The following DENND1B variants were observed in gnomAD, a reference collection of about 807,000 sequenced individuals.
The protein encoded by DENND1B is DENN domain-containing protein 1B.
DENND1B carries 59 observed loss-of-function variants against 90.1 expected under a neutral mutation model. The observed-to-expected ratio is 0.65, with a 90% confidence interval of 0.53 to 0.81. The LOEUF (loss-of-function observed/expected upper bound fraction) is 0.81. Among genes scored for constraint, DENND1B ranks in the 40% least tolerant of loss-of-function variants. The probability of loss-of-function intolerance (pLI) is 0.00; values close to 1 mark genes in which losing one functional copy is unlikely to be tolerated. For missense variants in DENND1B, 862 were observed against 912.6 expected (o/e 0.94, Z 0.71); for synonymous variants, 337 against 324.6 (o/e 1.04, Z -0.41).
chr1:197,760,752 T>C (rs1459303782), intron 2 of DENND1B, among the ~76,000 whole-genome samples: 1 of 152,030 alleles, frequency 6.6e-6, no homozygotes, highest in Non-Finnish European at 1.5e-5. Flanking sequence ...AACAGCTATA[T>C]CAGCTCTATC....
intron 2 of DENND1B, among the ~76,000 whole-genome samples, chr1:197,738,328 T>C (rs1207640491): frequency 6.6e-6 from 1 of 152,204 alleles, no homozygotes; most frequent in Non-Finnish European, 1.5e-5. Flanking sequence ...CAACATTAAA[T>C]CCACATAGAG....
At chr1:197,518,657 G>T (rs1262434585) in intron 20 of DENND1B, among the ~76,000 whole-genome samples, 1 of 151,894 alleles carries the variant, frequency 6.6e-6, no homozygotes, top group Non-Finnish European at 1.5e-5. Flanking sequence ...CATAAGTAAG[G>T]AAATTCTGAA....
chr1:197,735,753 T>G (rs1209625953), intron 2 of DENND1B: 2 of 1,612,322 alleles, frequency 1.2e-6, no homozygotes, highest in African/African-American at 2.7e-5. Context: ...CGAATCGGCG[T>G]ACTTTTCCAG....
intron 3 of DENND1B, among the ~76,000 whole-genome samples, chr1:197,679,248 C>A: frequency 1.4e-5 from 2 of 146,174 alleles, no homozygotes; most frequent in Non-Finnish European, 1.5e-5. Flanking sequence ...GATCCAATGT[C>A]AATGAAAAAG....
In DENND1B at chr1:197,507,118, G is replaced by GA. The variant is rs1210223188; in HGVS notation, c.*3341dup. 1 of 149,632 alleles carries GA rather than the reference G, an allele frequency of 6.7e-6. No individual in the cohort carries two copies. Among genetic ancestry groups the GA allele is most frequent in the Non-Finnish European group, 1.5e-5 (1 of 67,150 alleles). 9.3% of individuals were successfully genotyped at this position (149,632 alleles called of 1,614,324 possible). On this transcript the variant is annotated 3_prime_UTR_variant, in exon 23 of 23. Coordinates refer to ENST00000620048, the MANE Select transcript of DENND1B (RefSeq NM_001195215.2). ...TTTTTTTTGAACTTTTTGTGTGTTA[G>GA]AATCTCAGCTAATAACTTCCAGGCA...
intron 3 of DENND1B, among the ~76,000 whole-genome samples, chr1:197,703,654 T>A (rs1238220733): frequency 6.6e-6 from 1 of 152,198 alleles, no homozygotes; most frequent in African/African-American, 2.4e-5. Flanking sequence ...TATCTGATTC[T>A]AAAAAGAAGC....
chr1:197,650,687 A>G (rs1653040592), intron 7 of DENND1B, among the ~76,000 whole-genome samples: 2 of 152,230 alleles, frequency 1.3e-5, no homozygotes, highest in Admixed American at 1.3e-4. Flanking sequence ...ACTCAGCCGT[A>G]AAAAGGAATG....
At chr1:197,729,168 C>T (rs1333178576) in intron 2 of DENND1B, among the ~76,000 whole-genome samples, 2 of 152,142 alleles carry the variant, frequency 1.3e-5, no homozygotes, top group Admixed American at 6.6e-5. Context: ...CAATAACCAT[C>T]GCTACCAAAC....
rs181094582 is a variant in DENND1B at position 197,741,576 on chromosome 1, C to T, written c.83-26502G>A. 5.8e-4 allele frequency among the ~76,000 whole-genome samples: 88 copies of T among 152,154 alleles called. 4 individuals are homozygous for T. In the South Asian group the frequency reaches 0.017, roughly 30 times the overall value. Reference sequence around the variant, plus strand: ...AATTTAAAGTAATTATAAAGTAACACAAAAACATACCTTTTATGCCATTAC... The same window carrying T: ...AATTTAAAGTAATTATAAAGTAACATAAAAACATACCTTTTATGCCATTAC... On this transcript the variant is annotated intron_variant, in intron 2 of 22. Transcript: ENST00000620048.
intron 14 of DENND1B, among the ~76,000 whole-genome samples, chr1:197,593,702 C>A (rs1675439142): frequency 6.6e-6 from 1 of 151,996 alleles, no homozygotes; most frequent in African/African-American, 2.4e-5. Flanking sequence ...AAAATGTTCT[C>A]ACTTTGATTT....
chr1:197,511,235 T>C lies in DENND1B; in HGVS notation c.1816-263A>G, dbSNP rs572397180. On this transcript the variant is annotated intron_variant, in intron 22 of 22. Coordinates refer to ENST00000620048, the MANE Select transcript of DENND1B (RefSeq NM_001195215.2). ...AATGCCAAGTTCTGAAGTCACTTAC[T>C]ATCAGAACAGGATTGTCATTACTCA... Among the ~76,000 whole-genome samples the C allele has an allele frequency of 2.0e-4, 31 of 151,920 alleles. No individual in the cohort carries two copies. In the South Asian group the frequency reaches 6.2e-3, roughly 30 times the overall value.
intron 1 of DENND1B, among the ~76,000 whole-genome samples, 166 bp downstream of exon 1, chr1:197,774,973 G>A (rs1292547763): frequency 6.6e-6 from 1 of 151,890 alleles, no homozygotes; most frequent in Non-Finnish European, 1.5e-5. Flanking sequence ...GCGCCGTCCC[G>A]CCGGCCGGCC....
intron 14 of DENND1B, among the ~76,000 whole-genome samples, chr1:197,587,155 T>C (rs1029923733): frequency 6.6e-6 from 1 of 152,228 alleles, no homozygotes; most frequent in Non-Finnish European, 1.5e-5. Context: ...ACTTGAATAT[T>C]AAAGTTGAGT....
rs551933489 is a variant in DENND1B at position 197,556,817 on chromosome 1, G to C, written c.1150-3705C>G. 2.6e-5 allele frequency among the ~76,000 whole-genome samples: 4 copies of C among 152,006 alleles called. No homozygotes were observed. The South Asian group carries it at 8.3e-4, about 31-fold the overall frequency. Reference sequence around the variant, plus strand: ...CACCCAATAAATGCTAAATAATAAAGTCCACTTTCCCCAGTACCACCACCT... The same window carrying C: ...CACCCAATAAATGCTAAATAATAAACTCCACTTTCCCCAGTACCACCACCT... On this transcript the variant is annotated intron_variant, in intron 15 of 22. Transcript: ENST00000620048.
chr1:197,521,604 T>G (rs1338155555), intron 20 of DENND1B, among the ~76,000 whole-genome samples: 1 of 151,974 alleles, frequency 6.6e-6, no homozygotes, highest in Non-Finnish European at 1.5e-5. Context: ...TTATGTATTT[T>G]GCAGCCTAAG....
intron 14 of DENND1B, among the ~76,000 whole-genome samples, chr1:197,591,858 C>T (rs1675238850): frequency 6.6e-6 from 1 of 152,008 alleles, no homozygotes; most frequent in Non-Finnish European, 1.5e-5. Context: ...CGCCTGTAAT[C>T]CCAGCACTCT....
At chr1:197,701,553 CTT>C (rs978564553) in intron 3 of DENND1B, among the ~76,000 whole-genome samples, 2 of 143,444 alleles carry the variant, frequency 1.4e-5, no homozygotes, top group Admixed American at 7.0e-5. Flanking sequence ...CCTTCCCCGG[CTT>C]TTTTTTTTTA....
intron 15 of DENND1B, among the ~76,000 whole-genome samples, chr1:197,566,806 A>C (rs1244833122): frequency 2.6e-5 from 4 of 152,190 alleles, no homozygotes; most frequent in South Asian, 2.1e-4. Flanking sequence ...GTAAAAAAAA[A>C]AAATTCCTGG....
At position 197,647,064 on chromosome 1, in the gene DENND1B, A is replaced by G; in HGVS notation, c.498T>C (p.Ala166=). Reference sequence around the variant, plus strand: ...TGTCCTTTTAACTCACCGGTACTAGAGCAGGCTGATCTTTCAGAACTTGCT... The same window carrying G: ...TGTCCTTTTAACTCACCGGTACTAGGGCAGGCTGATCTTTCAGAACTTGCT... ...ACEQVLKDQP[A]LVPHSYFIAP... is the part of the protein sequence containing the mutation. Residue 166 remains alanine, a synonymous_variant, in exon 8 of 23, where the codon GCT becomes GCC. Transcript: ENST00000620048. 1 of 1,467,540 alleles carries G rather than the reference A, an allele frequency of 6.8e-7. No homozygotes were observed. The highest frequency in any genetic ancestry group is 3.2e-5 in the Admixed American group (1 of 31,446). The allele number at this position is 1,467,540 out of a possible 1,614,324, so 90.9% of individuals were successfully genotyped here.
Sources: gnomAD v4.1 joint callset for allele counts (sites outside exome capture counted in the v4.1 genomes callset) on GRCh38, gnomAD v4.1.1 for gene constraint, MANE v1.5 for transcripts, NCBI Gene and HGNC (gene_info 2026-07-23, HGNC 2026-07-21) for gene names.